RALGAPA1: variants seen among roughly 807,000 people sequenced by gnomAD.
RALGAPA1 encodes Ral GTPase activating protein catalytic subunit alpha 1.
A neutral mutation model predicts 269.6 loss-of-function variants in RALGAPA1; 52 were observed. That is an observed-to-expected ratio of 0.19 (90% CI 0.15 to 0.24). The LOEUF (loss-of-function observed/expected upper bound fraction) is 0.24. Among genes scored for constraint, RALGAPA1 ranks in the 10% least tolerant of loss-of-function variants. The probability of loss-of-function intolerance (pLI) is 1.00; values close to 1 mark genes in which losing one functional copy is unlikely to be tolerated. For missense variants in RALGAPA1, 1,917 were observed against 3,013.9 expected (o/e 0.64, Z 8.52); for synonymous variants, 817 against 1,008.3 (o/e 0.81, Z 3.60).
At chr14:35,586,359 T>C (rs1334218560) in intron 37 of RALGAPA1, among the ~76,000 whole-genome samples, 1 of 152,166 alleles carries the variant, frequency 6.6e-6, no homozygotes. Flanking sequence ...GCTGAGACAA[T>C]GGGGTTTTCT....
Position 35,588,098 on chromosome 14 carries a change from G to T in RALGAPA1, c.7209+7536C>A, listed in dbSNP as rs7150877. 1.3e-3 allele frequency among the ~76,000 whole-genome samples: 197 copies of T among 152,072 alleles called. 1 individual carries two copies. The highest frequency in any genetic ancestry group is 4.7e-3 in the African/African-American group (196 of 41,478). On this transcript the variant is annotated intron_variant, in intron 37 of 41. Transcript: ENST00000680220. ...GTTTTTGAATTTTTAGTAAAGACGG[G>T]GTTTCACCATGTTGGCCAGGATGCT...
intron 39 of RALGAPA1, among the ~76,000 whole-genome samples, chr14:35,568,520 A>T (rs971123371): frequency 2.0e-5 from 3 of 152,178 alleles, no homozygotes; most frequent in Non-Finnish European, 4.4e-5. Flanking sequence ...GTATCTAGGG[A>T]ATGAAGCCGT....
At chr14:35,777,601 G>C (rs2075130150) in intron 1 of RALGAPA1, among the ~76,000 whole-genome samples, 1 of 152,040 alleles carries the variant, frequency 6.6e-6, no homozygotes, top group South Asian at 2.1e-4. Context: ...CTTGCTCTGT[G>C]GCCCAGGCTG....
chr14:35,776,289 G>A (rs147472851), intron 1 of RALGAPA1, among the ~76,000 whole-genome samples: 28,035 of 151,686 alleles, frequency 0.18, 3,351 homozygotes, highest in Admixed American at 0.3. Flanking sequence ...GCTGAGGCAC[G>A]AGAATCACTT....
chr14:35,714,680 T>G (rs886610174), intron 16 of RALGAPA1, among the ~76,000 whole-genome samples: 1 of 152,256 alleles, frequency 6.6e-6, no homozygotes, highest in Non-Finnish European at 1.5e-5. Context: ...TCTTTAGATT[T>G]ACCTACACAT....
intron 16 of RALGAPA1, among the ~76,000 whole-genome samples, chr14:35,719,038 T>G (rs2069126885): frequency 6.6e-6 from 1 of 151,792 alleles, no homozygotes; most frequent in East Asian, 2.0e-4. Context: ...GAGACAGAGT[T>G]TCACCATGTT....
At position 35,773,804 on chromosome 14, in the gene RALGAPA1, TA is replaced by T. The variant is rs1007982737; in HGVS notation, c.267+1201del. Among the ~76,000 whole-genome samples, 21 of 152,106 alleles carry T rather than the reference TA, an allele frequency of 1.4e-4. No individual in the cohort carries two copies. In the South Asian group the frequency reaches 2.1e-3, roughly 15 times the overall value. ...CAGCGTTACTACTGTTTGGAACTCTTAAAAAAAATTCTTTTTTTCCCCCCTT... is the reference window on the plus strand; with the variant it reads ...CAGCGTTACTACTGTTTGGAACTCTTAAAAAAATTCTTTTTTTCCCCCCTT... On this transcript the variant is annotated intron_variant, in intron 3 of 41. Coordinates refer to ENST00000680220, the MANE Select transcript of RALGAPA1 (RefSeq NM_001346249.2).
chr14:35,708,195 A>G (rs1272089547), intron 16 of RALGAPA1, among the ~76,000 whole-genome samples: 1 of 152,134 alleles, frequency 6.6e-6, no homozygotes, highest in Non-Finnish European at 1.5e-5. Context: ...AGGACAATGA[A>G]GCAGGCAAAG....
intron 14 of RALGAPA1, chr14:35,723,499 C>T: frequency 3.0e-6 from 1 of 335,868 alleles, no homozygotes; most frequent in Non-Finnish European, 5.4e-6. Context: ...AGAAATCTCC[C>T]TAAATTTATA....
chr14:35,628,118 A>G (rs2061104148), intron 33 of RALGAPA1, among the ~76,000 whole-genome samples, 167 bp from the exon 34 acceptor site: 1 of 152,222 alleles, frequency 6.6e-6, no homozygotes, highest in Admixed American at 6.5e-5. Flanking sequence ...CCATTCTTTG[A>G]TGAAGTTTTG....
Position 35,757,617 on chromosome 14 carries a change from T to C in RALGAPA1, c.548-709A>G, listed in dbSNP as rs186232395. ...ACAAACATTAGTAATAATGCACTTA[T>C]TTATCAAAGTACCAATCTGTTAACA... On this transcript the variant is annotated intron_variant, in intron 6 of 41. Transcript: ENST00000680220. Among the ~76,000 whole-genome samples the C allele has an allele frequency of 5.9e-5, 9 of 152,354 alleles. No individual in the cohort carries two copies. In the East Asian group the frequency reaches 1.5e-3, roughly 26 times the overall value.
chr14:35,601,199 C>T (rs2059272561), intron 36 of RALGAPA1, among the ~76,000 whole-genome samples: 1 of 152,172 alleles, frequency 6.6e-6, no homozygotes, highest in Non-Finnish European at 1.5e-5. Context: ...ATGAGGCCTC[C>T]TCTGAAATGA....
intron 1 of RALGAPA1, among the ~76,000 whole-genome samples, chr14:35,777,124 A>C (rs534744063): frequency 6.6e-6 from 1 of 152,300 alleles, no homozygotes; most frequent in South Asian, 2.1e-4. Flanking sequence ...AAGAAATAAA[A>C]TGACACGGGG....
intron 35 of RALGAPA1, among the ~76,000 whole-genome samples, chr14:35,615,791 A>G (rs2060212062): frequency 1.3e-5 from 2 of 152,184 alleles, no homozygotes; most frequent in Non-Finnish European, 2.9e-5. Flanking sequence ...ATAAAAAAGC[A>G]TAAGGTAATT....
At chr14:35,670,088 C>A (rs941429471) in intron 26 of RALGAPA1, among the ~76,000 whole-genome samples, 3 of 152,202 alleles carry the variant, frequency 2.0e-5, no homozygotes, top group African/African-American at 7.2e-5. Context: ...TATCCACTTT[C>A]ATGGCTTTAA....
chr14:35,650,175 C>G (rs987877665), intron 31 of RALGAPA1, among the ~76,000 whole-genome samples: 4 of 151,976 alleles, frequency 2.6e-5, no homozygotes, highest in African/African-American at 9.7e-5. Context: ...AGTTTGAGAC[C>G]GGCCTGGCCA....
At chr14:35,690,100 A>T in intron 17 of RALGAPA1, 97 bp from the exon 18 acceptor site, 1 of 930,264 alleles carries the variant, frequency 1.1e-6, no homozygotes, top group Non-Finnish European at 1.5e-6. Flanking sequence ...CTTTAAAAAA[A>T]ATCTGAGTTT....
chr14:35,792,111 C>G (rs1318341513), intron 1 of RALGAPA1, among the ~76,000 whole-genome samples: 1 of 151,972 alleles, frequency 6.6e-6, no homozygotes, highest in Non-Finnish European at 1.5e-5. Context: ...TACTGTATCA[C>G]ATAGGCAAAG....
chr14:35,608,910 A>G (rs1197310703), intron 35 of RALGAPA1, among the ~76,000 whole-genome samples: 1 of 152,198 alleles, frequency 6.6e-6, no homozygotes, highest in Non-Finnish European at 1.5e-5. Flanking sequence ...AGCATATGTG[A>G]AACAACTTAC....
Sources: gnomAD v4.1 joint callset for allele counts (sites outside exome capture counted in the v4.1 genomes callset) on GRCh38, gnomAD v4.1.1 for gene constraint, MANE v1.5 for transcripts, NCBI Gene and HGNC (gene_info 2026-07-23, HGNC 2026-07-21) for gene names.